ROBO1: variants seen among roughly 807,000 people sequenced by gnomAD.
The protein encoded by ROBO1 is roundabout homolog 1.
In ROBO1, 149 loss-of-function variants were observed where a neutral mutation model predicts 195.9. That is an observed-to-expected ratio of 0.76 (90% CI 0.67 to 0.87). ROBO1 has a LOEUF of 0.87. Among genes scored for constraint, ROBO1 ranks in the 40% least tolerant of loss-of-function variants. The pLI is 0.00. For missense variants in ROBO1, 1,933 were observed against 2,068.3 expected (o/e 0.93, Z 1.27); for synonymous variants, 816 against 733.2 (o/e 1.11, Z -1.82).
chr3:78,673,488 TAAATATATA>T (rs1369770056), intron 10 of ROBO1, among the ~76,000 whole-genome samples: 5 of 140,466 alleles, frequency 3.6e-5, no homozygotes, highest in African/African-American at 5.2e-5. Flanking sequence ...ATATATAATA[TAAATATATA>T]AAATATATAA....
intron 3 of ROBO1, among the ~76,000 whole-genome samples, chr3:78,965,212 T>C (rs1030947791): frequency 6.6e-6 from 1 of 152,058 alleles, no homozygotes; most frequent in Admixed American, 6.5e-5. Flanking sequence ...TCTAAAACAA[T>C]TTCCCTTGAT....
chr3:78,863,218 C>T (rs1336751740), intron 4 of ROBO1, among the ~76,000 whole-genome samples: 2 of 152,158 alleles, frequency 1.3e-5, no homozygotes, highest in African/African-American at 2.4e-5. Context: ...AGTTCACTAA[C>T]GTGCCCTGTG....
At chr3:79,295,857 A>G (rs2032564114) in intron 2 of ROBO1, among the ~76,000 whole-genome samples, 1 of 152,184 alleles carries the variant, frequency 6.6e-6, no homozygotes, top group Admixed American at 6.5e-5. Flanking sequence ...CCACTCTCCC[A>G]AAACAATAAT....
intron 4 of ROBO1, among the ~76,000 whole-genome samples, chr3:78,911,415 C>A (rs543315578): frequency 1.3e-5 from 2 of 152,128 alleles, no homozygotes; most frequent in East Asian, 1.9e-4. Context: ...GCATCTAATT[C>A]TTGCAAACAT....
At chr3:79,406,773 A>G (rs1243229176) in intron 2 of ROBO1, among the ~76,000 whole-genome samples, 1 of 152,170 alleles carries the variant, frequency 6.6e-6, no homozygotes, top group African/African-American at 2.4e-5. Flanking sequence ...TGATTAAATT[A>G]GAGTTATGTT....
intron 3 of ROBO1, among the ~76,000 whole-genome samples, chr3:79,096,185 A>C (rs1351088072): frequency 6.6e-6 from 1 of 151,996 alleles, no homozygotes; most frequent in Non-Finnish European, 1.5e-5. Context: ...ACACTCAAGC[A>C]GCAATGTAGA....
At chr3:79,594,755 C>A (rs1023701919) in intron 1 of ROBO1, among the ~76,000 whole-genome samples, 3 of 151,990 alleles carry the variant, frequency 2.0e-5, no homozygotes, top group Admixed American at 6.6e-5. Context: ...AATGCCTGCT[C>A]TGTTTCCTGA....
chr3:79,584,314 A>T (rs1943751499), intron 2 of ROBO1, among the ~76,000 whole-genome samples: 1 of 149,570 alleles, frequency 6.7e-6, no homozygotes, highest in African/African-American at 2.4e-5. Flanking sequence ...ACCTGGACAG[A>T]TCCCTAAAGT....
intron 3 of ROBO1, chr3:79,018,964 A>C: frequency 1.4e-5 from 14 of 989,484 alleles, no homozygotes; most frequent in Non-Finnish European, 1.6e-5. Context: ...CGGCGGCGAT[A>C]GCAGCCAAAG....
chr3:78,788,252 G>A (rs2083903469), intron 4 of ROBO1, among the ~76,000 whole-genome samples: 2 of 150,732 alleles, frequency 1.3e-5, no homozygotes, highest in South Asian at 4.2e-4. Context: ...AGTAGCTGGG[G>A]CTAAAGGCGC....
chr3:78,976,751 G>A (rs1334123262), intron 3 of ROBO1, among the ~76,000 whole-genome samples: 4 of 151,836 alleles, frequency 2.6e-5, no homozygotes. Flanking sequence ...TATAACCAAG[G>A]GTGTATTCCT....
intron 2 of ROBO1, among the ~76,000 whole-genome samples, chr3:79,145,402 C>G (rs1273877189): frequency 1.3e-5 from 2 of 148,274 alleles, no homozygotes; most frequent in East Asian, 4.0e-4. Context: ...CACACACACA[C>G]ACAGACATAA....
intron 3 of ROBO1, among the ~76,000 whole-genome samples, chr3:78,948,083 C>T (rs2040555902): frequency 6.6e-6 from 1 of 152,122 alleles, no homozygotes; most frequent in African/African-American, 2.4e-5. Flanking sequence ...CAGTCGAATT[C>T]TACCAGAGGT....
intron 2 of ROBO1, among the ~76,000 whole-genome samples, chr3:79,391,151 A>G (rs894302293): frequency 6.6e-6 from 1 of 151,022 alleles, no homozygotes; most frequent in Non-Finnish European, 1.5e-5. Flanking sequence ...AATTTGGCCA[A>G]GTGTGGTGAC....
chr3:78,921,123 A>C (rs1008114188), intron 4 of ROBO1, among the ~76,000 whole-genome samples: 12 of 152,244 alleles, frequency 7.9e-5, no homozygotes, highest in African/African-American at 2.4e-4. Context: ...GTGAACACAA[A>C]GTACTGGCAA....
intron 1 of ROBO1, among the ~76,000 whole-genome samples, chr3:79,720,078 T>G (rs1702637747): frequency 6.6e-6 from 1 of 152,136 alleles, no homozygotes; most frequent in African/African-American, 2.4e-5. Flanking sequence ...ATTAAGATAA[T>G]AAAAGTGTTA....
intron 4 of ROBO1, among the ~76,000 whole-genome samples, chr3:78,771,971 A>G (rs116813107): frequency 0.039 from 5,892 of 152,238 alleles, 133 homozygotes; most frequent in Non-Finnish European, 0.047. Flanking sequence ...AACAAGGACT[A>G]CATTGCAAGG....
intron 2 of ROBO1, among the ~76,000 whole-genome samples, chr3:79,233,174 G>A (rs762353112): frequency 2.6e-5 from 4 of 152,038 alleles, no homozygotes; most frequent in African/African-American, 7.2e-5. Flanking sequence ...AAGATAAAAA[G>A]AGGAGGAGAA....
At chr3:79,692,099 C>A (rs1484290883) in intron 1 of ROBO1, among the ~76,000 whole-genome samples, 1 of 151,520 alleles carries the variant, frequency 6.6e-6, no homozygotes, top group African/African-American at 2.4e-5. Flanking sequence ...TAGGGATTAT[C>A]CAGAAGAAAA....
Sources: allele counts gnomAD v4.1 joint callset (sites outside exome capture counted in the v4.1 genomes callset), GRCh38; gene constraint gnomAD v4.1.1; transcripts MANE v1.5; gene names NCBI Gene and HGNC (gene_info 2026-07-23, HGNC 2026-07-21).